GRID1: variants seen among roughly 807,000 people sequenced by gnomAD.
GRID1 encodes the protein glutamate ionotropic receptor delta type subunit 1, also known as glutamate receptor ionotropic, delta-1.
GRID1 carries 28 observed loss-of-function variants against 98.0 expected under a neutral mutation model. The observed-to-expected ratio is 0.29, with a 90% confidence interval of 0.21 to 0.39. The LOEUF (loss-of-function observed/expected upper bound fraction) is 0.39. GRID1 is among the 10% of genes least tolerant of loss of function. The pLI, the probability that GRID1 is intolerant of heterozygous loss-of-function variation, is 1.00. For synonymous variants in GRID1, 553 were observed against 538.5 expected, an observed-to-expected ratio of 1.03 and a Z score of -0.37; for missense variants, 1,111 against 1,340.5, an observed-to-expected ratio of 0.83 and a Z score of 2.67.
chr10:85,692,867 C>T (rs1841349519), intron 12 of GRID1, among the ~76,000 whole-genome samples: 1 of 152,116 alleles, frequency 6.6e-6, no homozygotes. Context: ...AGATATTCCC[C>T]AAGGCCTAGC....
chr10:85,862,736 T>C (rs900690233), intron 6 of GRID1, among the ~76,000 whole-genome samples: 1 of 152,152 alleles, frequency 6.6e-6, no homozygotes, highest in Non-Finnish European at 1.5e-5. Context: ...AATAGATTTT[T>C]TAAAAAGTTA....
chr10:85,845,273 A>C (rs1005107924), intron 8 of GRID1, among the ~76,000 whole-genome samples: 3 of 152,188 alleles, frequency 2.0e-5, no homozygotes, highest in African/African-American at 7.2e-5. Flanking sequence ...CTATATACAC[A>C]CAGTAACAAG....
intron 4 of GRID1, among the ~76,000 whole-genome samples, chr10:85,929,222 G>A (rs2131831485): frequency 6.6e-6 from 1 of 152,298 alleles, no homozygotes; most frequent in Non-Finnish European, 1.5e-5. Flanking sequence ...CCCATTGTGT[G>A]CAAGGCCAGC....
Position 85,599,802 on chromosome 10 carries a change from A to AAAAATATACATATATATATATATATATAT in GRID1, c.*2470_*2471insATATATATATATATATATATGTATATTTT. 4.6e-5 allele frequency: 3 copies of AAAAATATACATATATATATATATATATAT among 65,000 alleles called. No homozygotes were observed. The highest frequency in any genetic ancestry group is 2.8e-4 in the African/African-American group (3 of 10,730). 4.0% of individuals were successfully genotyped at this position (65,000 alleles called of 1,614,324 possible). ...GTAGAAAATTCTAAAAAAAAAAAAA[A>AAAAATATACATATATATATATATATATAT]ATATATATATATATATATAAACATG... On this transcript the variant is annotated 3_prime_UTR_variant, in exon 16 of 16. Transcript: ENST00000327946.
intron 8 of GRID1, among the ~76,000 whole-genome samples, chr10:85,799,531 A>G (rs1352684691): frequency 1.3e-5 from 2 of 152,154 alleles, no homozygotes; most frequent in Non-Finnish European, 1.5e-5. Context: ...ACATAATATT[A>G]CTTAGCGATA....
At chr10:86,209,452 A>T (rs1175780900) in intron 2 of GRID1, among the ~76,000 whole-genome samples, 1 of 152,186 alleles carries the variant, frequency 6.6e-6, no homozygotes, top group Non-Finnish European at 1.5e-5. Context: ...CACACAACGA[A>T]CACTGCCACA....
At chr10:86,249,006 CT>C (rs1326216976) in intron 2 of GRID1, among the ~76,000 whole-genome samples, 1 of 152,238 alleles carries the variant, frequency 6.6e-6, no homozygotes, top group Non-Finnish European at 1.5e-5. Context: ...GCCAGCCTGT[CT>C]GATAGCTGCC....
chr10:86,205,784 T>C (rs1846017124), intron 3 of GRID1, among the ~76,000 whole-genome samples: 1 of 152,244 alleles, frequency 6.6e-6, no homozygotes, highest in Admixed American at 6.5e-5. Flanking sequence ...TGTGGTTTCC[T>C]AACAAGCAAA....
intron 8 of GRID1, among the ~76,000 whole-genome samples, chr10:85,838,614 T>G (rs1269960099): frequency 1.3e-5 from 2 of 152,134 alleles, no homozygotes; most frequent in African/African-American, 4.8e-5. Context: ...GGGAATTTGT[T>G]ACCACCAGAA....
chr10:86,344,474 C>T (rs896917342), intron 2 of GRID1, among the ~76,000 whole-genome samples: 7 of 152,142 alleles, frequency 4.6e-5, no homozygotes, highest in Middle Eastern at 3.2e-3. Context: ...CCACATGTGC[C>T]CCACACTGGA....
chr10:86,348,889 T>A (rs1263942303), intron 2 of GRID1, among the ~76,000 whole-genome samples: 1 of 152,252 alleles, frequency 6.6e-6, no homozygotes, highest in Non-Finnish European at 1.5e-5. Flanking sequence ...CTGGCTGCAC[T>A]CATGCAGGCT....
At chr10:86,084,874 G>A (rs1456918421) in intron 4 of GRID1, among the ~76,000 whole-genome samples, 1 of 152,132 alleles carries the variant, frequency 6.6e-6, no homozygotes, top group African/African-American at 2.4e-5. Flanking sequence ...GGGACTGAGG[G>A]GAGGGAGGAA....
At chr10:85,813,120 T>C (rs1269162762) in intron 8 of GRID1, among the ~76,000 whole-genome samples, 1 of 151,798 alleles carries the variant, frequency 6.6e-6, no homozygotes, top group East Asian at 1.9e-4. Flanking sequence ...TTAATTGATG[T>C]GCCATTGGAG....
intron 2 of GRID1, among the ~76,000 whole-genome samples, chr10:86,252,709 G>A (rs1024470395): frequency 1.3e-5 from 2 of 152,160 alleles, no homozygotes; most frequent in African/African-American, 4.8e-5. Context: ...GTGGTCGAGT[G>A]GTGGAAGGAT....
chr10:85,614,627 G>A (rs1352836161), intron 14 of GRID1, among the ~76,000 whole-genome samples: 1 of 151,970 alleles, frequency 6.6e-6, no homozygotes, highest in Non-Finnish European at 1.5e-5. Flanking sequence ...CATGTCTGGG[G>A]TAGCACTTAG....
chr10:85,972,338 A>G (rs1284881420), intron 4 of GRID1, among the ~76,000 whole-genome samples: 1 of 151,310 alleles, frequency 6.6e-6, no homozygotes, highest in Non-Finnish European at 1.5e-5. Context: ...AAACAACCCT[A>G]ATGGAAATCA....
chr10:85,960,860 T>C (rs371270113), intron 4 of GRID1, among the ~76,000 whole-genome samples: 16 of 152,274 alleles, frequency 1.1e-4, no homozygotes, highest in Admixed American at 6.5e-4. Flanking sequence ...ACATTTCTTT[T>C]GATCTCTTGA....
At chr10:85,836,906 A>T (rs1188140298) in intron 8 of GRID1, among the ~76,000 whole-genome samples, 4 of 152,134 alleles carry the variant, frequency 2.6e-5, no homozygotes, top group Non-Finnish European at 5.9e-5. Flanking sequence ...CAAGCCCGAC[A>T]GGTGGAGAGC....
At chr10:85,999,336 T>C (rs1167245096) in intron 4 of GRID1, among the ~76,000 whole-genome samples, 1 of 151,826 alleles carries the variant, frequency 6.6e-6, no homozygotes, top group Non-Finnish European at 1.5e-5. Flanking sequence ...AAGTTTTCCA[T>C]AAAAGAAATA....
Sources: allele counts gnomAD v4.1 joint callset (sites outside exome capture counted in the v4.1 genomes callset), GRCh38; gene constraint gnomAD v4.1.1; transcripts MANE v1.5; gene names NCBI Gene and HGNC (gene_info 2026-07-23, HGNC 2026-07-21).